NR2E1: variants seen among roughly 807,000 people sequenced by gnomAD.
The protein encoded by NR2E1 is nuclear receptor subfamily 2 group E member 1, also known as nuclear receptor TLX.
NR2E1 carries 5 observed loss-of-function variants against 43.6 expected under a neutral mutation model. That is an observed-to-expected ratio of 0.11 (90% CI 0.06 to 0.24). The LOEUF is 0.24. NR2E1 is among the 10% of genes least tolerant of loss of function. The pLI is 1.00. For synonymous variants in NR2E1, 191 were observed against 195.5 expected (o/e 0.98, Z 0.19); for missense variants, 287 against 496.7 (o/e 0.58, Z 4.01).
chr6:108,188,386 G>C lies in NR2E1; in HGVS notation c.*923G>C, dbSNP rs1008505324. ...GGAAACGAATATGGACGTAATTGCAGAAGGAACTTCAAGGAGATGAATGAA... is the reference window on the plus strand; with the variant it reads ...GGAAACGAATATGGACGTAATTGCACAAGGAACTTCAAGGAGATGAATGAA... On this transcript the variant is annotated 3_prime_UTR_variant, in exon 9 of 9. Transcript: ENST00000368986. 1 of 152,200 alleles carries C rather than the reference G, an allele frequency of 6.6e-6. No homozygotes were observed. The highest frequency in any genetic ancestry group is 2.4e-5 in the African/African-American group (1 of 41,424). The allele number at this position is 152,200 out of a possible 1,614,324, so 9.4% of individuals were successfully genotyped here.
rs1774106153 is a variant in NR2E1 at position 108,188,204 on chromosome 6, A to C, written c.*741A>C. On this transcript the variant is annotated 3_prime_UTR_variant, in exon 9 of 9. Transcript: ENST00000368986. The stretch of plus-strand genomic sequence containing the variant: ...ATGTCAAAAAGAGAAGAGCTTTACT[A>C]AAAGAACATAAGTCAAGGGAGGATG... 1 of 152,434 alleles carries C rather than the reference A, an allele frequency of 6.6e-6. No individual in the cohort carries two copies. The highest frequency in any genetic ancestry group is 1.5e-5 in the Non-Finnish European group (1 of 68,258). 9.4% of individuals were successfully genotyped at this position (152,434 alleles called of 1,614,324 possible).
rs373693807 is a variant in NR2E1, at chr6:108,188,502, AACACACACACAC to A, written c.*1078_*1089del. The A allele has an allele frequency of 0.037, 4,865 of 133,042 alleles. 125 individuals are homozygous for A. Among genetic ancestry groups the A allele is most frequent in the South Asian group, 0.1 (394 of 3,844 alleles). The allele number at this position is 133,042 out of a possible 1,614,324, so 8.2% of individuals were successfully genotyped here. A position where few individuals can be genotyped will look rare whatever the true frequency, so the allele number is the denominator to read the frequency against. On this transcript the variant is annotated 3_prime_UTR_variant, in exon 9 of 9. Coordinates refer to ENST00000368986, the MANE Select transcript of NR2E1 (RefSeq NM_003269.5). ...CTGGTTTCTAGTAAAGCCTTGAATG[AACACACACACAC>A]ACACACACACACACACACACACACA...
chr6:108,184,610 GAGA>G (rs1774044552), intron 8 of NR2E1, among the ~76,000 whole-genome samples: 2 of 152,252 alleles, frequency 1.3e-5, no homozygotes, highest in African/African-American at 4.8e-5. Context: ...TTCAGCAGGG[GAGA>G]AGATGTGTCC....
intron 8 of NR2E1, 134 bp downstream of exon 8, chr6:108,181,785 C>A (rs1300349315): frequency 1.4e-6 from 1 of 738,960 alleles, no homozygotes; most frequent in East Asian, 2.7e-5. Context: ...AGGGAGAATC[C>A]ATGTCCTTAC....
chr6:108,170,372 A>G (rs1773790882), intron 1 of NR2E1, among the ~76,000 whole-genome samples: 1 of 152,210 alleles, frequency 6.6e-6, no homozygotes, highest in Non-Finnish European at 1.5e-5. Context: ...GTTTTGCGGG[A>G]GGAAGCATTT....
In NR2E1 at chr6:108,169,647, G is replaced by A. The variant is rs1582440912; in HGVS notation, c.26-1811G>A. Among the ~76,000 whole-genome samples, 1 of 152,056 alleles carries A rather than the reference G, an allele frequency of 6.6e-6. No individual in the cohort carries two copies. Among genetic ancestry groups the A allele is most frequent in the African/African-American group, 2.4e-5 (1 of 41,396 alleles). ...TGCAGTGCAGCGGAGCTCCAGACCC[G>A]GTTCCTGAGCGACCAGGAACTCCCT... On this transcript the variant is annotated intron_variant, in intron 1 of 8. Coordinates refer to ENST00000368986, the MANE Select transcript of NR2E1 (RefSeq NM_003269.5). The surrounding 1 kb of genome is among the most constrained non-coding windows in gnomAD (Gnocchi z 6.1).
intron 2 of NR2E1, among the ~76,000 whole-genome samples, chr6:108,172,226 A>T (rs920411078): frequency 5.3e-5 from 8 of 152,234 alleles, no homozygotes; most frequent in African/African-American, 1.9e-4. Flanking sequence ...TCCAGCACCC[A>T]TGTGACCTTA....
chr6:108,187,217 G>T, intron 8 of NR2E1, 84 bp from the exon 9 acceptor site: 2 of 1,451,022 alleles, frequency 1.4e-6, no homozygotes, highest in East Asian at 2.3e-5. Flanking sequence ...AGCAATGCTG[G>T]AGATGATGTG....
At chr6:108,174,373 G>T (rs1773861147) in intron 2 of NR2E1, among the ~76,000 whole-genome samples, 1 of 152,174 alleles carries the variant, frequency 6.6e-6, no homozygotes, top group Admixed American at 6.5e-5. Context: ...TGGTGGGAGG[G>T]CGGTATGGTG....
intron 8 of NR2E1, 95 bp from the exon 9 acceptor site, chr6:108,187,206 C>G: frequency 7.2e-7 from 1 of 1,390,236 alleles, no homozygotes; most frequent in Non-Finnish European, 1.0e-6. Flanking sequence ...AGACCTAGAT[C>G]AGCAATGCTG....
At chr6:108,175,784 C>T (rs893578496) in intron 3 of NR2E1, among the ~76,000 whole-genome samples, 1 of 152,214 alleles carries the variant, frequency 6.6e-6, no homozygotes, top group Non-Finnish European at 1.5e-5. Flanking sequence ...CCTTCCTCTG[C>T]GGCGCAGGAA....
At chr6:108,176,456 T>G in intron 3 of NR2E1, 47 bp from the exon 4 acceptor site, 1 of 1,583,722 alleles carries the variant, frequency 6.3e-7, no homozygotes, top group South Asian at 1.1e-5. Context: ...CGGCTGTGTC[T>G]CGACGTCTCT....
rs764481302 is a variant in NR2E1, at chr6:108,176,670, G to A, written c.427G>A (p.Glu143Lys). ...CACGCAGCTGGAGCCGCACGGCCTG[G>A]AGCTGGCCGCGGTGTCCACCACTCC... Reference protein sequence around the residue: ...AVTQLEPHGLELAAVSTTPER... With the variant: ...AVTQLEPHGLKLAAVSTTPER... Residue 143 changes from glutamate (E) to lysine (K), a missense_variant, in exon 4 of 9, where the codon GAG becomes AAG. Physicochemically the swap from Glu to Lys is moderately conservative, Grantham distance 56 (BLOSUM62 1). This residue lies in a region of NR2E1 where 119 missense variants were observed against 155.7 expected (regional missense o/e 0.76). Coordinates refer to ENST00000368986, the MANE Select transcript of NR2E1 (RefSeq NM_003269.5). The A allele has an allele frequency of 1.2e-6, 2 of 1,602,796 alleles. No individual in the cohort carries two copies. Among genetic ancestry groups the A allele is most frequent in the Admixed American group, 1.7e-5 (1 of 59,292 alleles).
intron 1 of NR2E1, 137 bp from the exon 2 acceptor site, chr6:108,171,321 A>T (rs1244192900): frequency 1.6e-5 from 15 of 943,932 alleles, no homozygotes; most frequent in Non-Finnish European, 2.3e-5. Context: ...ATTTGCTTTT[A>T]CCGCAGCTTC....
At chr6:108,185,571 G>A (rs1178596830) in intron 8 of NR2E1, among the ~76,000 whole-genome samples, 1 of 152,080 alleles carries the variant, frequency 6.6e-6, no homozygotes. Flanking sequence ...GCGAATTTTT[G>A]TAGAGATGAG....
At chr6:108,183,346 T>TAA (rs112893300) in intron 8 of NR2E1, among the ~76,000 whole-genome samples, 13 of 144,960 alleles carry the variant, frequency 9.0e-5, no homozygotes, top group Non-Finnish European at 1.5e-4. Context: ...ACCAAAAATT[T>TAA]AAAAAAAAAA....
At chr6:108,167,281 G>A (rs541393831) in intron 1 of NR2E1, among the ~76,000 whole-genome samples, 1 of 152,304 alleles carries the variant, frequency 6.6e-6, no homozygotes, top group East Asian at 1.9e-4. Context: ...CAATTTAAAA[G>A]TCACATTTTC....
chr6:108,180,818 G>A lies in NR2E1; in HGVS notation c.751G>A (p.Asp251Asn). Residue 251 changes from aspartate to asparagine, a missense_variant, in exon 7 of 9, where the codon GAC becomes AAC. Asp to Asn is a conservative substitution (Grantham distance 23). Around this residue, in one of 4 missense-constraint regions of NR2E1, gnomAD observed 119 missense variants for 187.0 expected, o/e 0.64. Coordinates refer to ENST00000368986, the MANE Select transcript of NR2E1 (RefSeq NM_003269.5). This position sits in a 1 kb window ranked among gnomAD's most constrained non-coding sequence, Gnocchi z 5.4. ...TLLAVSGMNG[D>N]NTDSQKLNKI... ...TATTTTTATTCTAGGCATGAACGGT[G>A]ACAACACAGATTCCCAGAAGCTGAA... is the stretch of plus-strand genomic sequence containing the variant. The A allele has an allele frequency of 6.2e-7, 1 of 1,613,980 alleles. No homozygotes were observed. Among genetic ancestry groups the A allele is most frequent in the Non-Finnish European group, 8.5e-7 (1 of 1,179,878 alleles).
intron 7 of NR2E1, 89 bp from the exon 8 acceptor site, chr6:108,181,457 G>A (rs1773984394): frequency 1.8e-6 from 2 of 1,097,384 alleles, no homozygotes; most frequent in Admixed American, 1.7e-5. Flanking sequence ...GCCTCCCAAA[G>A]TGCTGGGATT....
Sources: allele counts gnomAD v4.1 joint callset (sites outside exome capture counted in the v4.1 genomes callset), GRCh38; gene constraint gnomAD v4.1.1; regional missense constraint gnomAD v4.1.1; non-coding constraint Gnocchi (gnomAD v3.1); transcripts MANE v1.5; gene names NCBI Gene and HGNC (gene_info 2026-07-23, HGNC 2026-07-21).